Variants in PRKDC observed in about 807,000 individuals in gnomAD.
PRKDC encodes the protein DNA-dependent protein kinase catalytic subunit.
In PRKDC, 82 loss-of-function variants were observed where a neutral mutation model predicts 486.9. The observed-to-expected ratio is 0.17, with a 90% CI of 0.14 to 0.20. The LOEUF (loss-of-function observed/expected upper bound fraction) is 0.20. Among genes scored for constraint, PRKDC ranks in the 10% least tolerant of loss-of-function variants. The pLI is 1.00. For missense variants in PRKDC, 4,504 were observed against 5,038.2 expected (o/e 0.89, Z 3.21); for synonymous variants, 1,895 against 1,837.0 (o/e 1.03, Z -0.81).
chr8:47,853,201 C>G (rs1476289463), intron 51 of PRKDC, among the ~76,000 whole-genome samples: 1 of 152,222 alleles, frequency 6.6e-6, no homozygotes, highest in Non-Finnish European at 1.5e-5. Flanking sequence ...TCCCAGGGAG[C>G]CACCCATTCA....
At chr8:47,922,878 A>C (rs2090094685) in intron 21 of PRKDC, among the ~76,000 whole-genome samples, 1 of 152,226 alleles carries the variant, frequency 6.6e-6, no homozygotes, top group African/African-American at 2.4e-5. Flanking sequence ...CTGGTGTTTG[A>C]AAGTTGTGTC....
intron 7 of PRKDC, among the ~76,000 whole-genome samples, chr8:47,945,386 G>A (rs1230348481): frequency 6.6e-6 from 1 of 152,004 alleles, no homozygotes; most frequent in Non-Finnish European, 1.5e-5. Context: ...TAACAGAAGG[G>A]TGCCCATCAA....
At chr8:47,928,477 T>C (rs754479437) in intron 19 of PRKDC, among the ~76,000 whole-genome samples, 2 of 152,058 alleles carry the variant, frequency 1.3e-5, no homozygotes, top group Non-Finnish European at 2.9e-5. Flanking sequence ...GCACAATAAC[T>C]TCCTCTAATT....
At chr8:47,908,394 A>C (rs999187831) in intron 25 of PRKDC, among the ~76,000 whole-genome samples, 1 of 152,190 alleles carries the variant, frequency 6.6e-6, no homozygotes, top group Non-Finnish European at 1.5e-5. Flanking sequence ...TACATGTTAC[A>C]ATGTTGGTTT....
chr8:47,935,057 C>A lies in PRKDC; in HGVS notation c.1449G>T (p.Val483=). 1 of 1,494,580 alleles carries A rather than the reference C, an allele frequency of 6.7e-7. No homozygotes were observed. Among genetic ancestry groups the A allele is most frequent in the Non-Finnish European group, 9.0e-7 (1 of 1,114,238 alleles). The allele number at this position is 1,494,580 out of a possible 1,614,324, so 92.6% of individuals were successfully genotyped here. The change falls in exon 14 of 86, where the codon GTG becomes GTT. Residue 483 remains valine (V), a splice_region_variant and synonymous_variant. Transcript: ENST00000314191. ...PVLRNCISTV[V]HQGLIRICSK... ...AACATATTCTGATTAAACCCTGATG[C>A]ACTGAAAAAAGAAAAAGAAAACAAA...
At chr8:47,903,138 T>C (rs942597495) in intron 26 of PRKDC, among the ~76,000 whole-genome samples, 51 of 152,264 alleles carry the variant, frequency 3.3e-4, no homozygotes, top group African/African-American at 1.2e-3. Context: ...CAGAGGAATT[T>C]TGATTGTTGA....
chr8:47,843,387 G>A (rs936435903), intron 54 of PRKDC, among the ~76,000 whole-genome samples: 6 of 151,838 alleles, frequency 4.0e-5, no homozygotes, highest in African/African-American at 1.5e-4. Context: ...AAAAAATAAT[G>A]GATTATGTAA....
Position 47,933,082 on chromosome 8 carries a change from C to A in PRKDC, c.1714G>T (p.Val572Phe), listed in dbSNP as rs1184535587. ...HLLYDEFVKS[V>F]LKIVEKLDLT... is the part of the protein sequence containing the mutation. The stretch of plus-strand genomic sequence containing the variant: ...TCCAATTTCTCAACAATCTTCAAAA[C>A]GGATTTTACAAATTCATCATAAAGT... The change falls in exon 16 of 86, where the codon GTT (valine) becomes TTT (phenylalanine). Residue 572 changes from valine (V) to phenylalanine (F), a missense_variant. By Grantham distance (50) the Val-to-Phe change is conservative. Around this residue, in one of 6 missense-constraint regions of PRKDC, gnomAD observed 1,969 missense variants for 2,068.9 expected, o/e 0.95. Transcript: ENST00000314191. The A allele has an allele frequency of 3.1e-6, 5 of 1,590,430 alleles. No individual in the cohort carries two copies. Among genetic ancestry groups the A allele is most frequent in the Non-Finnish European group, 4.3e-6 (5 of 1,170,184 alleles).
In PRKDC at chr8:47,773,972, G is replaced by GTTAC. The variant is rs774667852; in HGVS notation, c.*197_*200dup. On this transcript the variant is annotated 3_prime_UTR_variant, in exon 86 of 86. Transcript: ENST00000314191. The stretch of plus-strand genomic sequence containing the variant: ...CTATAAACCTCACCTAATCTTTGAT[G>GTTAC]TTACTATAACCTTATCTTTGATTTA... The GTTAC allele has an allele frequency of 5.8e-6, 3 of 518,322 alleles. No individual in the cohort carries two copies. The highest frequency in any genetic ancestry group is 1.0e-5 in the Non-Finnish European group (3 of 300,542). 32.1% of individuals were successfully genotyped at this position (518,322 alleles called of 1,614,324 possible).
At chr8:47,930,882 T>C (rs2090239047) in intron 16 of PRKDC, 95 bp from the exon 17 acceptor site, 2 of 1,204,310 alleles carry the variant, frequency 1.7e-6, no homozygotes, top group African/African-American at 1.6e-5. Context: ...CAAGGCCTGA[T>C]GCTACGAAGA....
chr8:47,918,718 C>G (rs1020977988), intron 21 of PRKDC, among the ~76,000 whole-genome samples: 11 of 151,930 alleles, frequency 7.2e-5, no homozygotes, highest in African/African-American at 2.2e-4. Context: ...AAAGATTAGA[C>G]CCACTGAAAA....
At chr8:47,886,884 C>T (rs1384068193) in intron 35 of PRKDC, among the ~76,000 whole-genome samples, 2 of 152,130 alleles carry the variant, frequency 1.3e-5, no homozygotes, top group African/African-American at 4.8e-5. Context: ...GAAACAGGGT[C>T]TCGCTATGTT....
chr8:47,798,094 G>A, intron 73 of PRKDC, 143 bp downstream of exon 73: 2 of 851,660 alleles, frequency 2.3e-6, no homozygotes, highest in Non-Finnish European at 3.3e-6. Flanking sequence ...AATTACCTAT[G>A]TCCTCAGAAT....
At chr8:47,850,392 C>A (rs1488820894) in intron 52 of PRKDC, among the ~76,000 whole-genome samples, 1 of 152,190 alleles carries the variant, frequency 6.6e-6, no homozygotes, top group African/African-American at 2.4e-5. Flanking sequence ...AAAACGTTCA[C>A]TGGAGCATTT....
rs111807103 is a variant in PRKDC, at chr8:47,868,405, A to G, written c.5364-3642T>C. On this transcript the variant is annotated intron_variant, in intron 40 of 85. Transcript: ENST00000314191. Reference sequence around the variant, plus strand: ...GAACCTCTCTACGTTTAAAAAAAAAAAAAGAAAGAAGAAAAAAGGCTGGGC... The same window carrying G: ...GAACCTCTCTACGTTTAAAAAAAAAGAAAGAAAGAAGAAAAAAGGCTGGGC... Among the ~76,000 whole-genome samples the G allele has an allele frequency of 2.7e-3, 417 of 152,070 alleles. 2 individuals are homozygous for G. The highest frequency in any genetic ancestry group is 9.5e-3 in the African/African-American group (396 of 41,526).
intron 68 of PRKDC, among the ~76,000 whole-genome samples, chr8:47,816,051 T>C (rs2087435194): frequency 6.6e-6 from 1 of 152,138 alleles, no homozygotes; most frequent in African/African-American, 2.4e-5. Context: ...CCATCTCTAC[T>C]AAAAATACAA....
chr8:47,882,252 A>T (rs1009227697), intron 36 of PRKDC, among the ~76,000 whole-genome samples, 155 bp from the exon 37 acceptor site: 3 of 152,234 alleles, frequency 2.0e-5, no homozygotes, highest in African/African-American at 7.2e-5. Flanking sequence ...GTTTGATTTG[A>T]GGTACACTTT....
intron 21 of PRKDC, among the ~76,000 whole-genome samples, chr8:47,926,015 T>G (rs2090151738): frequency 6.6e-6 from 1 of 152,228 alleles, no homozygotes. Context: ...CTAGATAGGG[T>G]ACATGTTTAA....
At chr8:47,779,542 A>C (rs1173600136) in intron 80 of PRKDC, among the ~76,000 whole-genome samples, 1 of 152,222 alleles carries the variant, frequency 6.6e-6, no homozygotes, top group Non-Finnish European at 1.5e-5. Flanking sequence ...AGTTTTGCTA[A>C]AGATGGATTA....
Sources: gnomAD v4.1 joint callset for allele counts (sites outside exome capture counted in the v4.1 genomes callset) on GRCh38, gnomAD v4.1.1 for gene constraint, gnomAD v4.1.1 regional missense constraint, MANE v1.5 for transcripts, NCBI Gene and HGNC (gene_info 2026-07-23, HGNC 2026-07-21) for gene names.